The following CAMK1D variants were observed in gnomAD, a reference collection of about 807,000 sequenced individuals.
CAMK1D encodes the protein calcium/calmodulin-dependent protein kinase type 1D.
CAMK1D carries 9 observed loss-of-function variants against 47.7 expected under a neutral mutation model. The ratio of observed to expected loss-of-function variants is 0.19; its 90% CI spans 0.11 to 0.33. The LOEUF is 0.33. CAMK1D is among the 10% of genes least tolerant of loss of function. The probability of loss-of-function intolerance (pLI) is 1.00; values close to 1 mark genes in which losing one functional copy is unlikely to be tolerated. For missense variants in CAMK1D, 291 were observed against 488.7 expected, an observed-to-expected ratio of 0.60 and a Z score of 3.81; for synonymous variants, 184 against 184.9, an observed-to-expected ratio of 0.99 and a Z score of 0.04.
At chr10:12,668,955 G>A (rs191336664) in intron 3 of CAMK1D, among the ~76,000 whole-genome samples, 26 of 152,100 alleles carry the variant, frequency 1.7e-4, no homozygotes, top group East Asian at 7.7e-4. Flanking sequence ...TCATTGGCCC[G>A]GCATGGTGGC....
rs952864278 is a variant in CAMK1D, at chr10:12,834,131, G to A, written c.*5244G>A. 5.9e-5 allele frequency: 9 copies of A among 152,222 alleles called. No homozygotes were observed. The highest frequency in any genetic ancestry group is 1.4e-4 in the African/African-American group (6 of 41,454). 9.4% of individuals were successfully genotyped at this position (152,222 alleles called of 1,614,324 possible). A position where few individuals can be genotyped will look rare whatever the true frequency, so the allele number is the denominator to read the frequency against. On this transcript the variant is annotated 3_prime_UTR_variant, in exon 11 of 11. Transcript: ENST00000619168. ...TTTCCTGAAGACTCCAAGAAAATGA[G>A]TGTGCAGATGAGTTAGCTTGACAAC...
intron 1 of CAMK1D, among the ~76,000 whole-genome samples, chr10:12,384,349 A>G (rs1838429184): frequency 6.6e-6 from 1 of 152,204 alleles, no homozygotes; most frequent in South Asian, 2.1e-4. Flanking sequence ...AGAAACTGAG[A>G]TGGTGATCCT....
chr10:12,814,197 T>G lies in CAMK1D; in HGVS notation c.644T>G (p.Leu215Arg), dbSNP rs1410471308. The G allele has an allele frequency of 6.2e-7, 1 of 1,608,528 alleles. No homozygotes were observed. The highest frequency in any genetic ancestry group is 1.7e-5 in the Admixed American group (1 of 60,008). Residue 215 changes from leucine (L) to arginine (R), a missense_variant and splice_region_variant, in exon 7 of 11, where the codon CTC becomes CGC. This residue lies in a region of CAMK1D where 219 missense variants were observed against 424.3 expected (regional missense o/e 0.52). Transcript: ENST00000619168. ...TTTTACTCCATTTTGTCTCCTAGGC[T>G]CTGCGGCTACCCTCCTTTTTATGAT... ...WSIGVIAYIL[L>R]CGYPPFYDEN... is the part of the protein sequence containing the mutation.
In CAMK1D at chr10:12,791,633, A is replaced by G. The variant is rs564872423; in HGVS notation, c.641+400A>G. Reference sequence around the variant, plus strand: ...AGCAAAACATCTTCAAGGCCCATCCATGGTGTAGCATGGGTCAGAATTTCC... The same window carrying G: ...AGCAAAACATCTTCAAGGCCCATCCGTGGTGTAGCATGGGTCAGAATTTCC... On this transcript the variant is annotated intron_variant, in intron 6 of 10. Transcript: ENST00000619168. Among the ~76,000 whole-genome samples, 246 of 152,008 alleles carry G rather than the reference A, an allele frequency of 1.6e-3. 1 individual carries two copies. The highest frequency in any genetic ancestry group is 1.0e-3 in the Non-Finnish European group (69 of 68,012).
chr10:12,716,813 A>G (rs370942434), intron 3 of CAMK1D, among the ~76,000 whole-genome samples: 1 of 152,150 alleles, frequency 6.6e-6, no homozygotes, highest in Non-Finnish European at 1.5e-5. Flanking sequence ...GTTCACTGCA[A>G]TTCGTGATGG....
intron 1 of CAMK1D, among the ~76,000 whole-genome samples, chr10:12,425,255 G>GC (rs1471578068): frequency 1.3e-5 from 2 of 149,650 alleles, no homozygotes; most frequent in East Asian, 3.9e-4. Context: ...TAGATAAGGT[G>GC]CCCCTTTCTT....
chr10:12,459,845 C>A (rs1833370878), intron 1 of CAMK1D, among the ~76,000 whole-genome samples: 2 of 152,154 alleles, frequency 1.3e-5, no homozygotes, highest in Non-Finnish European at 2.9e-5. Flanking sequence ...CAACATGGAT[C>A]AAAGCCGTGG....
chr10:12,721,511 A>ACCATCCATCCATCCATCCAT (rs62870361), intron 3 of CAMK1D, among the ~76,000 whole-genome samples: 4 of 150,764 alleles, frequency 2.7e-5, no homozygotes, highest in African/African-American at 9.8e-5. Flanking sequence ...GCTACCATCC[A>ACCATCCATCCATCCATCCAT]CCATCCATCC....
intron 3 of CAMK1D, among the ~76,000 whole-genome samples, chr10:12,697,032 C>T (rs1311757485): frequency 6.6e-6 from 1 of 152,244 alleles, no homozygotes; most frequent in African/African-American, 2.4e-5. Context: ...AAAAATGACA[C>T]TAAATTCGAT....
At chr10:12,480,434 C>CAAAAACA (rs1199234675) in intron 1 of CAMK1D, among the ~76,000 whole-genome samples, 1 of 146,532 alleles carries the variant, frequency 6.8e-6, no homozygotes, top group South Asian at 2.2e-4. Context: ...GACTCCATCT[C>CAAAAACA]AAAAACAAAA....
intron 1 of CAMK1D, among the ~76,000 whole-genome samples, chr10:12,523,425 AT>A (rs1194185029): frequency 6.6e-6 from 1 of 152,198 alleles, no homozygotes; most frequent in Non-Finnish European, 1.5e-5. Flanking sequence ...GCCAGCCGAG[AT>A]CAGGCCACTG....
chr10:12,806,421 T>C (rs1159057128), intron 6 of CAMK1D, among the ~76,000 whole-genome samples: 1 of 152,120 alleles, frequency 6.6e-6, no homozygotes, highest in Non-Finnish European at 1.5e-5. Context: ...AGGTCACACC[T>C]CCTCCCGGGA....
intron 1 of CAMK1D, among the ~76,000 whole-genome samples, chr10:12,398,886 T>A (rs972942220): frequency 6.6e-6 from 1 of 152,154 alleles, no homozygotes; most frequent in African/African-American, 2.4e-5. Flanking sequence ...TTTTTGTGTT[T>A]TTATAGATGT....
chr10:12,600,426 C>G (rs1588677183), intron 2 of CAMK1D, among the ~76,000 whole-genome samples: 1 of 152,128 alleles, frequency 6.6e-6, no homozygotes, highest in Non-Finnish European at 1.5e-5. Context: ...CCTACTCACG[C>G]TTGGTTTGTT....
intron 3 of CAMK1D, among the ~76,000 whole-genome samples, chr10:12,684,980 C>T (rs2132621113): frequency 6.6e-6 from 1 of 152,304 alleles, no homozygotes; most frequent in East Asian, 1.9e-4. Flanking sequence ...TCAAAGGTTC[C>T]TAGAGTTAAG....
intron 1 of CAMK1D, among the ~76,000 whole-genome samples, chr10:12,541,698 G>A (rs1836185475): frequency 6.6e-6 from 1 of 151,848 alleles, no homozygotes; most frequent in Non-Finnish European, 1.5e-5. Context: ...ATTCTCTGGG[G>A]TCTGTAAGGG....
In CAMK1D at chr10:12,811,646, C is replaced by T. The variant is rs546575808; in HGVS notation, c.642-2549C>T. ...AATATACATTTAAAAAACTGGCACC[C>T]AGAGAATAAATGTTTCTCGGAATTT... is the stretch of plus-strand genomic sequence containing the variant. On this transcript the variant is annotated intron_variant, in intron 6 of 10. Coordinates refer to ENST00000619168, the MANE Select transcript of CAMK1D (RefSeq NM_153498.4). Among the ~76,000 whole-genome samples, 10 of 152,272 alleles carry T rather than the reference C, an allele frequency of 6.6e-5. No homozygotes were observed. The South Asian group carries it at 8.3e-4, about 13-fold the overall frequency.
intron 3 of CAMK1D, among the ~76,000 whole-genome samples, chr10:12,699,706 C>T (rs952854076): frequency 1.3e-5 from 2 of 151,186 alleles, no homozygotes; most frequent in Admixed American, 6.6e-5. Context: ...GACGGTTTGC[C>T]GCCGTGGACT....
intron 2 of CAMK1D, among the ~76,000 whole-genome samples, chr10:12,561,992 C>T (rs1399975158): frequency 6.6e-6 from 1 of 152,122 alleles, no homozygotes; most frequent in Non-Finnish European, 1.5e-5. Flanking sequence ...TTTCTGCTTC[C>T]CAAATAGTGC....
Sources: gnomAD v4.1 joint callset for allele counts (sites outside exome capture counted in the v4.1 genomes callset) on GRCh38, gnomAD v4.1.1 for gene constraint, gnomAD v4.1.1 regional missense constraint, MANE v1.5 for transcripts, NCBI Gene and HGNC (gene_info 2026-07-23, HGNC 2026-07-21) for gene names.